EXOC6B: variants seen among roughly 807,000 people sequenced by gnomAD.
EXOC6B encodes exocyst complex component 6B.
In EXOC6B, 54 loss-of-function variants were observed where a neutral mutation model predicts 113.5. The ratio of observed to expected loss-of-function variants is 0.48; its 90% CI spans 0.38 to 0.60. EXOC6B has a LOEUF of 0.60. Ranked by LOEUF, EXOC6B falls within the 20% of genes least tolerant of loss-of-function variation. The probability of loss-of-function intolerance (pLI) is 0.00; values close to 1 mark genes in which losing one functional copy is unlikely to be tolerated. For missense variants in EXOC6B, 797 were observed against 977.5 expected (o/e 0.82, Z 2.46); for synonymous variants, 357 against 339.0 (o/e 1.05, Z -0.58).
intron 16 of EXOC6B, among the ~76,000 whole-genome samples, chr2:72,490,719 C>T (rs968180602): frequency 1.3e-5 from 2 of 152,112 alleles, no homozygotes; most frequent in East Asian, 1.9e-4. Flanking sequence ...CAAAATTACA[C>T]GGTTCTTCCT....
intron 6 of EXOC6B, among the ~76,000 whole-genome samples, chr2:72,665,352 C>A (rs1353640200): frequency 6.6e-6 from 1 of 152,098 alleles, no homozygotes; most frequent in Non-Finnish European, 1.5e-5. Flanking sequence ...ATATAGAGAA[C>A]CCCTGAGTAA....
chr2:72,445,577 G>A (rs1696523103), intron 18 of EXOC6B, among the ~76,000 whole-genome samples: 1 of 152,110 alleles, frequency 6.6e-6, no homozygotes, highest in South Asian at 2.1e-4. Context: ...TCACAATCAT[G>A]GTGAAAGGAA....
chr2:72,190,677 CTT>C (rs1019912042), intron 20 of EXOC6B, among the ~76,000 whole-genome samples: 2 of 152,100 alleles, frequency 1.3e-5, no homozygotes, highest in African/African-American at 4.8e-5. Flanking sequence ...ATATCTTCCT[CTT>C]TCTCTCTTGA....
intron 20 of EXOC6B, among the ~76,000 whole-genome samples, chr2:72,186,547 A>AT (rs1463572291): frequency 3.3e-5 from 5 of 152,048 alleles, no homozygotes; most frequent in African/African-American, 7.2e-5. Flanking sequence ...ATAAAAAAAA[A>AT]ACCCTAGGAA....
rs571329406 is a variant in EXOC6B at position 72,312,617 on chromosome 2, G to A, written c.2196+22330C>T. On this transcript the variant is annotated intron_variant, in intron 20 of 21. Coordinates refer to ENST00000272427, the MANE Select transcript of EXOC6B (RefSeq NM_015189.3). ...AGTGAAATACAAAAATTAGCCGGGT[G>A]TGGTGGTGGGCGCCTATAATCCCAG... Among the ~76,000 whole-genome samples the A allele has an allele frequency of 2.3e-3, 353 of 151,970 alleles. 1 individual carries two copies. Among genetic ancestry groups the A allele is most frequent in the African/African-American group, 8.0e-3 (330 of 41,490 alleles).
chr2:72,730,936 T>C, intron 5 of EXOC6B, 71 bp downstream of exon 5: 1 of 1,040,922 alleles, frequency 9.6e-7, no homozygotes. Context: ...ATGCTAAATA[T>C]GGACCTAAAC....
intron 1 of EXOC6B, among the ~76,000 whole-genome samples, chr2:72,762,086 A>G (rs1682771650): frequency 6.6e-6 from 1 of 152,118 alleles, no homozygotes. Flanking sequence ...TCTACAAAAA[A>G]TACAAAAATT....
At chr2:72,383,403 C>T (rs636734) in intron 18 of EXOC6B, among the ~76,000 whole-genome samples, 11,317 of 152,052 alleles carry the variant, frequency 0.074, 500 homozygotes, top group Non-Finnish European at 0.11. Context: ...AAATGTTCAA[C>T]GTCACCAATC....
At chr2:72,784,521 T>C (rs1684258631) in intron 1 of EXOC6B, among the ~76,000 whole-genome samples, 1 of 152,180 alleles carries the variant, frequency 6.6e-6, no homozygotes, top group Admixed American at 6.5e-5. Flanking sequence ...CAGTTCCACA[T>C]GGCTGGGGAG....
chr2:72,519,283 T>C (rs913360226), intron 8 of EXOC6B, among the ~76,000 whole-genome samples: 3 of 152,112 alleles, frequency 2.0e-5, no homozygotes, highest in African/African-American at 7.2e-5. Context: ...CAGTGCCACA[T>C]TTTTTACATT....
At chr2:72,497,412 G>C (rs1016826329) in intron 13 of EXOC6B, among the ~76,000 whole-genome samples, 2 of 151,918 alleles carry the variant, frequency 1.3e-5, no homozygotes, top group South Asian at 2.1e-4. Flanking sequence ...TAAATCGATA[G>C]GTTCTCTCTC....
At chr2:72,217,175 C>T (rs1680594775) in intron 20 of EXOC6B, among the ~76,000 whole-genome samples, 2 of 152,044 alleles carry the variant, frequency 1.3e-5, no homozygotes, top group Non-Finnish European at 1.5e-5. Context: ...CACTATTATT[C>T]CTTACTTTCC....
chr2:72,349,381 G>A (rs1689518145), intron 19 of EXOC6B, among the ~76,000 whole-genome samples: 1 of 152,256 alleles, frequency 6.6e-6, no homozygotes, highest in Admixed American at 6.5e-5. Flanking sequence ...GGGTCTTAGA[G>A]AATCTGAAGG....
chr2:72,292,535 T>TTGTGTG (rs142332997), intron 20 of EXOC6B, among the ~76,000 whole-genome samples: 13 of 134,056 alleles, frequency 9.7e-5, no homozygotes, highest in African/African-American at 3.0e-4. Flanking sequence ...CATGCACGCT[T>TTGTGTG]TGTGTGTGTG....
intron 19 of EXOC6B, among the ~76,000 whole-genome samples, chr2:72,359,343 T>C (rs141142468): frequency 1.3e-5 from 2 of 152,246 alleles, no homozygotes; most frequent in East Asian, 3.9e-4. Context: ...TAGGCCCTTT[T>C]TGCCCTTCTA....
At chr2:72,335,041 T>TA (rs762335754) in intron 19 of EXOC6B, 21 bp from the exon 20 acceptor site, 1 of 1,611,610 alleles carries the variant, frequency 6.2e-7, no homozygotes. Flanking sequence ...GAAAAGAGGA[T>TA]AAAAAGCGCC....
At chr2:72,382,768 G>A (rs1411688461) in intron 18 of EXOC6B, among the ~76,000 whole-genome samples, 1 of 151,874 alleles carries the variant, frequency 6.6e-6, no homozygotes, top group South Asian at 2.1e-4. Flanking sequence ...TGTATTTCTA[G>A]GTATTTTATT....
rs1354852333 is a variant in EXOC6B at position 72,568,233 on chromosome 2, A to G, written c.846+7259T>C. ...ATGGATATTAAGGGAGACTAAACAG[A>G]CATAAAAATCAATGTGTAAAATTTG... On this transcript the variant is annotated intron_variant, in intron 7 of 21. Coordinates refer to ENST00000272427, the MANE Select transcript of EXOC6B (RefSeq NM_015189.3). 2.6e-5 allele frequency among the ~76,000 whole-genome samples: 4 copies of G among 152,172 alleles called. No individual in the cohort carries two copies. In the East Asian group the frequency reaches 7.7e-4, roughly 29 times the overall value.
chr2:72,302,618 A>C (rs1686598696), intron 20 of EXOC6B, among the ~76,000 whole-genome samples: 1 of 151,988 alleles, frequency 6.6e-6, no homozygotes, highest in African/African-American at 2.4e-5. Context: ...GTTGGTTTAA[A>C]GTCTGTTTTG....
Sources: gnomAD v4.1 joint callset for allele counts (sites outside exome capture counted in the v4.1 genomes callset) on GRCh38, gnomAD v4.1.1 for gene constraint, MANE v1.5 for transcripts, NCBI Gene and HGNC (gene_info 2026-07-23, HGNC 2026-07-21) for gene names.